Variants in POLA2 observed in about 807,000 individuals in gnomAD.
POLA2 encodes the protein DNA polymerase alpha 2, accessory subunit, also known as DNA polymerase alpha subunit B.
In POLA2, 47 loss-of-function variants were observed where a neutral mutation model predicts 82.8. The ratio of observed to expected loss-of-function variants is 0.57; its 90% CI spans 0.45 to 0.72. The LOEUF is 0.72. Ranked by LOEUF, POLA2 falls within the 30% of genes least tolerant of loss-of-function variation. The pLI is 0.00. For synonymous variants in POLA2, 287 were observed against 286.8 expected, an observed-to-expected ratio of 1.00 and a Z score of -0.01; for missense variants, 634 against 728.1, an observed-to-expected ratio of 0.87 and a Z score of 1.49.
chr11:65,263,791 C>T (rs1251074960), intron 1 of POLA2, among the ~76,000 whole-genome samples: 2 of 151,244 alleles, frequency 1.3e-5, no homozygotes. Context: ...CACACCATTG[C>T]ACTCTAGCCT....
At chr11:65,295,232 G>A (rs951127934) in intron 15 of POLA2, among the ~76,000 whole-genome samples, 2 of 152,188 alleles carry the variant, frequency 1.3e-5, no homozygotes, top group African/African-American at 2.4e-5. Flanking sequence ...CTACACACCC[G>A]CCTCATGATG....
intron 16 of POLA2, 93 bp downstream of exon 16, chr11:65,295,692 A>G: frequency 7.5e-7 from 1 of 1,330,064 alleles, no homozygotes; most frequent in South Asian, 1.2e-5. Context: ...TCACCAGGCT[A>G]CCAGCAGGGA....
At chr11:65,283,629 G>A (rs530945424) in intron 10 of POLA2, among the ~76,000 whole-genome samples, 96 of 151,866 alleles carry the variant, frequency 6.3e-4, no homozygotes, top group Non-Finnish European at 1.1e-3. Context: ...ACCACACCCG[G>A]CTAATTTTTG....
downstream of POLA2, among the ~76,000 whole-genome samples, chr11:65,300,495 A>G (rs1049691006): frequency 1.3e-5 from 2 of 151,472 alleles, no homozygotes; most frequent in African/African-American, 4.9e-5. Context: ...CAGGTGATCC[A>G]CTCGCCTCGG....
chr11:65,290,364 C>G (rs1004742831), intron 13 of POLA2, among the ~76,000 whole-genome samples: 3 of 151,940 alleles, frequency 2.0e-5, no homozygotes, highest in Non-Finnish European at 4.4e-5. Context: ...TGGTGAAACC[C>G]TATCTCTACT....
intron 5 of POLA2, among the ~76,000 whole-genome samples, chr11:65,277,743 C>G (rs1949596769): frequency 6.6e-6 from 1 of 152,216 alleles, no homozygotes. Context: ...TAATGGATGG[C>G]TCATGGAGCT....
downstream of POLA2, among the ~76,000 whole-genome samples, chr11:65,303,297 G>A (rs955771146): frequency 1.4e-5 from 2 of 145,348 alleles, no homozygotes; most frequent in African/African-American, 2.6e-5. Flanking sequence ...AGCGGAGATC[G>A]CACCACTGCA....
rs1159236126 is a variant in POLA2, at chr11:65,279,427, C to A, written c.656-111C>A. On this transcript the variant is annotated intron_variant, in intron 6 of 17. Coordinates refer to ENST00000265465, the MANE Select transcript of POLA2 (RefSeq NM_002689.4). ...ACTGGCCAGATGTCCAGGCACCCTT[C>A]CTGCTTCTGTAAAATGACTGACTTT... is the stretch of plus-strand genomic sequence containing the variant. 6.9e-6 allele frequency: 5 copies of A among 720,818 alleles called. No homozygotes were observed. In the South Asian group the frequency reaches 7.3e-5, roughly 10 times the overall value. 44.7% of individuals were successfully genotyped at this position (720,818 alleles called of 1,614,324 possible). A position where few individuals can be genotyped will look rare whatever the true frequency, so the allele number is the denominator to read the frequency against.
intron 3 of POLA2, 46 bp downstream of exon 3, chr11:65,267,614 T>C: frequency 8.1e-7 from 1 of 1,242,104 alleles, no homozygotes; most frequent in Non-Finnish European, 1.2e-6. Context: ...ACATGTTGTA[T>C]TTTATAATTT....
At chr11:65,262,520 A>C in intron 1 of POLA2, 149 bp downstream of exon 1, 1 of 657,730 alleles carries the variant, frequency 1.5e-6, no homozygotes, top group Non-Finnish European at 2.6e-6. Context: ...ATCAAACTTG[A>C]GTTTTGAGAT....
chr11:65,265,981 G>A (rs1003627441), intron 1 of POLA2, among the ~76,000 whole-genome samples: 1 of 151,930 alleles, frequency 6.6e-6, no homozygotes, highest in African/African-American at 2.4e-5. Flanking sequence ...TTATACCTCC[G>A]CCCACAACCC....
chr11:65,264,958 C>T (rs1376684980), intron 1 of POLA2, among the ~76,000 whole-genome samples: 5 of 152,180 alleles, frequency 3.3e-5, no homozygotes, highest in East Asian at 3.8e-4. Flanking sequence ...CGGCCGGGTG[C>T]GGTGGCTCAC....
chr11:65,305,084 G>T (rs544888421), intron 8 of POLA2, among the ~76,000 whole-genome samples: 1 of 145,160 alleles, frequency 6.9e-6, no homozygotes, highest in South Asian at 2.1e-4. Flanking sequence ...CCTAATCTCA[G>T]CCTTTCAACT....
chr11:65,287,566 A>G (rs1949710113), intron 10 of POLA2, 150 bp from the exon 11 acceptor site: 1 of 582,090 alleles, frequency 1.7e-6, no homozygotes, highest in Non-Finnish European at 3.0e-6. Context: ...GAGGGTGGAC[A>G]TGAGGTCTTC....
rs1398066353 is a variant in POLA2 at position 65,297,807 on chromosome 11, C to A, written c.*538C>A. The A allele has an allele frequency of 6.6e-6, 1 of 152,372 alleles. No individual in the cohort carries two copies. Among genetic ancestry groups the A allele is most frequent in the South Asian group, 2.1e-4 (1 of 4,834 alleles). 9.4% of individuals were successfully genotyped at this position (152,372 alleles called of 1,614,324 possible). A position where few individuals can be genotyped will look rare whatever the true frequency, so the allele number is the denominator to read the frequency against. ...CTGGGACTACAGGCACCCACCACCA[C>A]GCCTGGCTAATTTTTTGTATTTTTA... is the stretch of plus-strand genomic sequence containing the variant. On this transcript the variant is annotated 3_prime_UTR_variant, in exon 18 of 18. Transcript: ENST00000265465.
chr11:65,297,386 A>G lies in POLA2; in HGVS notation c.*117A>G. 1 of 1,240,778 alleles carries G rather than the reference A, an allele frequency of 8.1e-7. No individual in the cohort carries two copies. Among genetic ancestry groups the G allele is most frequent in the East Asian group, 2.7e-5 (1 of 36,736 alleles). The allele number at this position is 1,240,778 out of a possible 1,614,324, so 76.9% of individuals were successfully genotyped here. On this transcript the variant is annotated 3_prime_UTR_variant, in exon 18 of 18. Transcript: ENST00000265465. ...GTGGGAAAGGAGAGAGGAGCCAGCC[A>G]GGGAGGGGCAGCTGCAGTGACCAGG...
intron 1 of POLA2, among the ~76,000 whole-genome samples, chr11:65,264,512 A>C (rs1949437285): frequency 6.6e-6 from 1 of 152,148 alleles, no homozygotes; most frequent in African/African-American, 2.4e-5. Flanking sequence ...CTTTACTCTG[A>C]GTCTTCCAGA....
intron 8 of POLA2, among the ~76,000 whole-genome samples, chr11:65,304,358 T>C (rs1181430498): frequency 7.2e-6 from 1 of 138,614 alleles, no homozygotes; most frequent in African/African-American, 2.7e-5. Flanking sequence ...CATTCATCCA[T>C]CCACCCACCC....
chr11:65,294,221 C>T lies in POLA2; in HGVS notation c.1313C>T (p.Pro438Leu), dbSNP rs755822124. The T allele has an allele frequency of 4.0e-5, 64 of 1,613,998 alleles. No homozygotes were observed. Among genetic ancestry groups the T allele is most frequent in the African/African-American group, 2.0e-4 (15 of 74,904 alleles). The change falls in exon 14 of 18, where the codon CCG (proline) becomes CTG (leucine). Residue 438 changes from proline to leucine, a missense_variant. By Grantham distance (98) the Pro-to-Leu change is moderately conservative. Coordinates refer to ENST00000265465, the MANE Select transcript of POLA2 (RefSeq NM_002689.4). ...CACCATGAGCCTGTGTACCCCCAGC[C>T]GCCTTTCAGCTACTCCGATCTGTCT... ...DVHHEPVYPQ[P>L]PFSYSDLSRE...
Sources: allele counts gnomAD v4.1 joint callset (sites outside exome capture counted in the v4.1 genomes callset), GRCh38; gene constraint gnomAD v4.1.1; transcripts MANE v1.5; gene names NCBI Gene and HGNC (gene_info 2026-07-23, HGNC 2026-07-21).